PAPOLA: variants seen among roughly 807,000 people sequenced by gnomAD.
The protein encoded by PAPOLA is poly(A) polymerase alpha.
In PAPOLA, 15 loss-of-function variants were observed where a neutral mutation model predicts 100.6. The observed-to-expected ratio is 0.15, with a 90% CI of 0.10 to 0.23. PAPOLA has a LOEUF of 0.23. PAPOLA is among the 10% of genes least tolerant of loss of function. The pLI is 1.00. For missense variants in PAPOLA, 533 were observed against 884.2 expected (o/e 0.60, Z 5.04); for synonymous variants, 293 against 300.0 (o/e 0.98, Z 0.24).
At chr14:96,545,262 G>A (rs1007940810) in intron 15 of PAPOLA, among the ~76,000 whole-genome samples, 4 of 152,014 alleles carry the variant, frequency 2.6e-5, no homozygotes, top group Admixed American at 1.3e-4. Flanking sequence ...ATATAAAGGA[G>A]AAATAAAAGG....
At chr14:96,522,770 T>G (rs184730225) in intron 3 of PAPOLA, among the ~76,000 whole-genome samples, 68 of 152,330 alleles carry the variant, frequency 4.5e-4, no homozygotes, top group African/African-American at 1.4e-3. Context: ...TGGCTGGGCT[T>G]CTTCTGGTAG....
chr14:96,525,681 G>A (rs1380446742), intron 4 of PAPOLA, among the ~76,000 whole-genome samples: 2 of 152,104 alleles, frequency 1.3e-5, no homozygotes, highest in Non-Finnish European at 2.9e-5. Flanking sequence ...AGCCCAGGGA[G>A]GTCAAGGCTG....
At chr14:96,563,085 C>G (rs146223212) in intron 21 of PAPOLA, among the ~76,000 whole-genome samples, 192 bp downstream of exon 21, 3 of 152,258 alleles carry the variant, frequency 2.0e-5, no homozygotes, top group Admixed American at 2.0e-4. Context: ...TTCTCTGGGA[C>G]TGTTTCGATG....
intron 17 of PAPOLA, among the ~76,000 whole-genome samples, chr14:96,555,420 G>GT (rs1042794490): frequency 2.0e-5 from 3 of 151,710 alleles, no homozygotes; most frequent in Admixed American, 2.0e-4. Context: ...AAATCCTTCA[G>GT]TTAAGTCTCT....
chr14:96,528,018 T>G lies in PAPOLA; in HGVS notation c.495+12T>G, dbSNP rs757814869. ...TTGATGGGATAGAGGTAAGGTATAG[T>G]TCAAATTGACAGTTCTTGCTATGTG... is the stretch of plus-strand genomic sequence containing the variant. On this transcript the variant is annotated intron_variant, in intron 6 of 21. Transcript: ENST00000216277. The G allele has an allele frequency of 8.3e-6, 13 of 1,573,132 alleles. No individual in the cohort carries two copies. In the South Asian group the frequency reaches 1.2e-4, roughly 15 times the overall value.
chr14:96,561,725 G>A (rs1008485191), intron 20 of PAPOLA, among the ~76,000 whole-genome samples: 9 of 151,852 alleles, frequency 5.9e-5, no homozygotes, highest in African/African-American at 2.2e-4. Context: ...TTAAAGTTTG[G>A]TATACATCAC....
intron 9 of PAPOLA, 61 bp from the exon 10 acceptor site, chr14:96,534,430 A>G: frequency 1.3e-6 from 2 of 1,590,396 alleles, no homozygotes; most frequent in South Asian, 2.3e-5. Flanking sequence ...TATGTTTAAC[A>G]AAATACGTTT....
intron 1 of PAPOLA, among the ~76,000 whole-genome samples, chr14:96,513,234 A>G (rs1444987585): frequency 2.6e-5 from 4 of 152,124 alleles, no homozygotes; most frequent in African/African-American, 9.6e-5. Context: ...ACAGCTGGCT[A>G]ATTTTTAAAC....
At chr14:96,525,434 C>T in intron 4 of PAPOLA, 43 bp downstream of exon 4, 1 of 804,654 alleles carries the variant, frequency 1.2e-6, no homozygotes, top group Non-Finnish European at 2.0e-6. Flanking sequence ...CCCTTTAGTT[C>T]TTAAAAATTA....
intron 1 of PAPOLA, among the ~76,000 whole-genome samples, chr14:96,506,640 C>G (rs1896734746): frequency 6.6e-6 from 1 of 152,144 alleles, no homozygotes; most frequent in African/African-American, 2.4e-5. Context: ...AAAGATGTTT[C>G]TGCTGACATT....
At chr14:96,537,166 T>A (rs1899608363) in intron 12 of PAPOLA, 106 bp downstream of exon 12, 2 of 715,554 alleles carry the variant, frequency 2.8e-6, no homozygotes, top group Admixed American at 4.5e-5. Context: ...TGGAAGAATT[T>A]TCTTTCCTGT....
chr14:96,557,527 A>G (rs182801676), intron 19 of PAPOLA, among the ~76,000 whole-genome samples: 11 of 150,036 alleles, frequency 7.3e-5, no homozygotes, highest in Middle Eastern at 3.5e-3. Context: ...GGCATTTGCA[A>G]TTGCCCCAGA....
At position 96,534,437 on chromosome 14, in the gene PAPOLA, G is replaced by A. The variant is rs967481922; in HGVS notation, c.837-54G>A. 60 of 1,595,652 alleles carry A rather than the reference G, an allele frequency of 3.8e-5. No homozygotes were observed. The Middle Eastern group carries it at 6.7e-4, about 18-fold the overall frequency. The stretch of plus-strand genomic sequence containing the variant: ...AAATGCTGTATGTTTAACAAAATAC[G>A]TTTAGATGGTAATATCCAATAGTCT... On this transcript the variant is annotated intron_variant, in intron 9 of 21. Coordinates refer to ENST00000216277, the MANE Select transcript of PAPOLA (RefSeq NM_032632.5).
chr14:96,506,349 G>T (rs975887261), intron 1 of PAPOLA, among the ~76,000 whole-genome samples: 1 of 152,132 alleles, frequency 6.6e-6, no homozygotes, highest in Non-Finnish European at 1.5e-5. Context: ...CTGTATACTG[G>T]GGAGTAGAAT....
chr14:96,544,371 A>G, intron 15 of PAPOLA, 113 bp downstream of exon 15: 1 of 612,686 alleles, frequency 1.6e-6, no homozygotes. Context: ...GCGAATATTG[A>G]ACTATCATCA....
Position 96,566,321 on chromosome 14 carries a change from A to T in PAPOLA, c.*1271A>T, listed in dbSNP as rs1595567362. On this transcript the variant is annotated 3_prime_UTR_variant, in exon 22 of 22. Transcript: ENST00000216277. ...TTTATTTTGTTTTATCAAAAGATTA[A>T]GAGCTCCTTTCTTTGAATAAAATAA... The T allele has an allele frequency of 6.2e-6, 1 of 162,574 alleles. No homozygotes were observed. Among genetic ancestry groups the T allele is most frequent in the African/African-American group, 2.4e-5 (1 of 42,032 alleles). 10.1% of individuals were successfully genotyped at this position (162,574 alleles called of 1,614,324 possible).
intron 3 of PAPOLA, among the ~76,000 whole-genome samples, chr14:96,522,112 C>CTTTTTTTTTTTTTTTTTTTTTTTT (rs1350167869): frequency 1.0e-5 from 1 of 98,712 alleles, no homozygotes; most frequent in Non-Finnish European, 1.9e-5. Flanking sequence ...CTCTTTCTTT[C>CTTTTTTTTTTTTTTTTTTTTTTTT]TTTCTTTTTT....
At chr14:96,526,074 A>G (rs899159036) in intron 4 of PAPOLA, 2 of 152,244 alleles carry the variant, frequency 1.3e-5, no homozygotes, top group African/African-American at 2.4e-5. Context: ...ATGTGTATTC[A>G]TAGCCAATGA....
intron 21 of PAPOLA, 48 bp from the exon 22 acceptor site, chr14:96,564,907 A>T: frequency 1.0e-6 from 1 of 960,044 alleles, no homozygotes; most frequent in Non-Finnish European, 1.7e-6. Flanking sequence ...TCTCATTGTT[A>T]AATTATGGTG....
Sources: gnomAD v4.1 joint callset for allele counts (sites outside exome capture counted in the v4.1 genomes callset) on GRCh38, gnomAD v4.1.1 for gene constraint, MANE v1.5 for transcripts, NCBI Gene and HGNC (gene_info 2026-07-23, HGNC 2026-07-21) for gene names.